Variants in RABL3 observed in about 807,000 individuals in gnomAD.
RABL3 encodes rab-like protein 3.
Under a neutral mutation model 31.8 loss-of-function variants are expected in RABL3, and 31 were observed. The observed-to-expected ratio is 0.97, with a 90% confidence interval of 0.73 to 1.31. RABL3 has a LOEUF of 1.31. Ranked by LOEUF, RABL3 falls within the 40% of genes most tolerant of loss-of-function variation. The probability of loss-of-function intolerance (pLI) is 0.00; values close to 1 mark genes in which losing one functional copy is unlikely to be tolerated. For missense variants in RABL3, 263 were observed against 279.6 expected (o/e 0.94, Z 0.42); for synonymous variants, 97 against 99.9 (o/e 0.97, Z 0.18).
chr3:120,695,658 A>T (rs932599134), intron 5 of RABL3, among the ~76,000 whole-genome samples: 1 of 152,156 alleles, frequency 6.6e-6, no homozygotes, highest in African/African-American at 2.4e-5. Flanking sequence ...CATTGCACTA[A>T]CTATGGTATT....
rs570184383 is a variant in RABL3, at chr3:120,698,472, G to A, written c.485C>T (p.Thr162Ile). 1.2e-6 allele frequency: 2 copies of A among 1,614,036 alleles called. No individual in the cohort carries two copies. Among genetic ancestry groups the A allele is most frequent in the African/African-American group, 1.3e-5 (1 of 75,038 alleles). The stretch of plus-strand genomic sequence containing the variant: ...ATCCTCAGCCAGGAAAGCAGTCCTA[G>A]TTAAAACTTCATGGCGCTTTGTTTC... ...IHETKRHEVL[T>I]RTAFLAEDFN... The change falls in exon 5 of 8, where the codon ACT becomes ATT. Residue 162 changes from threonine to isoleucine, a missense_variant. Physicochemically the swap from Thr to Ile is moderately conservative, Grantham distance 89 (BLOSUM62 -1). Coordinates refer to ENST00000273375, the MANE Select transcript of RABL3 (RefSeq NM_173825.5).
chr3:120,735,877 AG>A (rs1559824669), intron 1 of RABL3, among the ~76,000 whole-genome samples: 1 of 152,048 alleles, frequency 6.6e-6, no homozygotes, highest in African/African-American at 2.4e-5. Flanking sequence ...CTCAATCCTG[AG>A]TTCTAGTTTG....
upstream of RABL3, chr3:120,742,549 G>T (rs376236121): frequency 1.0e-4 from 166 of 1,607,694 alleles, no homozygotes; most frequent in Middle Eastern, 1.7e-4. Flanking sequence ...TTCCTGGATT[G>T]TAAGCCAATC....
chr3:120,735,481 T>C (rs563102217), intron 1 of RABL3, among the ~76,000 whole-genome samples: 1 of 152,272 alleles, frequency 6.6e-6, no homozygotes, highest in Admixed American at 6.5e-5. Context: ...TTTGTTGATC[T>C]TTTCAAAAAA....
intron 5 of RABL3, 33 bp downstream of exon 5, chr3:120,698,390 A>G (rs368059276): frequency 7.1e-5 from 112 of 1,578,768 alleles, no homozygotes; most frequent in Non-Finnish European, 9.6e-5. Flanking sequence ...TTACCCGATA[A>G]TAATACAAGC....
chr3:120,728,682 C>T (rs1002522315), intron 2 of RABL3, among the ~76,000 whole-genome samples: 4 of 151,620 alleles, frequency 2.6e-5, no homozygotes, highest in African/African-American at 9.7e-5. Flanking sequence ...TGCACATGTA[C>T]CCTAAAACTT....
At chr3:120,703,518 T>C (rs1708516526) in intron 4 of RABL3, among the ~76,000 whole-genome samples, 1 of 151,682 alleles carries the variant, frequency 6.6e-6, no homozygotes, top group Admixed American at 6.6e-5. Flanking sequence ...TCTAAGAAGC[T>C]ATAGAGAACA....
intron 5 of RABL3, among the ~76,000 whole-genome samples, chr3:120,697,777 C>T (rs1487923489): frequency 1.3e-5 from 2 of 152,146 alleles, no homozygotes; most frequent in African/African-American, 2.4e-5. Context: ...GTTTAAGAAG[C>T]TAAGAGGCTT....
intron 4 of RABL3, among the ~76,000 whole-genome samples, chr3:120,702,623 T>A (rs1708505626): frequency 6.6e-6 from 1 of 151,592 alleles, no homozygotes. Flanking sequence ...AGTGGCGTGA[T>A]CTCGGCTCAC....
intron 5 of RABL3, among the ~76,000 whole-genome samples, chr3:120,696,464 T>TA (rs1343954271): frequency 1.3e-5 from 2 of 152,114 alleles, no homozygotes; most frequent in African/African-American, 4.8e-5. Flanking sequence ...TGTACACTGA[T>TA]AAAGGCCAAA....
At chr3:120,732,170 A>G (rs771108096) in intron 1 of RABL3, among the ~76,000 whole-genome samples, 2 of 152,374 alleles carry the variant, frequency 1.3e-5, no homozygotes, top group Admixed American at 6.5e-5. Flanking sequence ...GTATACTTAA[A>G]AACAATAAAA....
intron 2 of RABL3, among the ~76,000 whole-genome samples, chr3:120,723,036 T>C (rs1263280636): frequency 2.0e-5 from 3 of 151,964 alleles, no homozygotes; most frequent in East Asian, 1.9e-4. Flanking sequence ...ATCAACAAAA[T>C]TGATAGACCG....
chr3:120,692,364 A>T (rs1708390488), intron 6 of RABL3, among the ~76,000 whole-genome samples: 1 of 150,850 alleles, frequency 6.6e-6, no homozygotes, highest in Admixed American at 6.6e-5. Flanking sequence ...ACACTCAGCT[A>T]ATTTTTTGTA....
In RABL3 at chr3:120,734,996, T is replaced by A. The variant is rs577542779; in HGVS notation, c.47-4209A>T. On this transcript the variant is annotated intron_variant, in intron 1 of 7. Transcript: ENST00000273375. ...TTGATGTTCATCAGGGATATTGGTCTAAAATTCTCTTTTTTTGTTGTGTCT... is the reference window on the plus strand; with the variant it reads ...TTGATGTTCATCAGGGATATTGGTCAAAAATTCTCTTTTTTTGTTGTGTCT... 8.8e-4 allele frequency among the ~76,000 whole-genome samples: 134 copies of A among 152,326 alleles called. 1 individual carries two copies. The highest frequency in any genetic ancestry group is 2.8e-3 in the African/African-American group (118 of 41,578).
At chr3:120,717,147 T>C (rs1219078023) in intron 2 of RABL3, among the ~76,000 whole-genome samples, 1 of 151,716 alleles carries the variant, frequency 6.6e-6, no homozygotes, top group Non-Finnish European at 1.5e-5. Flanking sequence ...TCCCAGCTAC[T>C]CGGGAGGCTG....
intron 2 of RABL3, among the ~76,000 whole-genome samples, chr3:120,715,412 C>T (rs1319397172): frequency 6.6e-6 from 1 of 152,096 alleles, no homozygotes; most frequent in Non-Finnish European, 1.5e-5. Context: ...GTGGCACGCA[C>T]CTGTAATCTC....
At chr3:120,738,051 C>T (rs542467231) in intron 1 of RABL3, among the ~76,000 whole-genome samples, 10 of 152,286 alleles carry the variant, frequency 6.6e-5, no homozygotes, top group Non-Finnish European at 1.2e-4. Context: ...CAAAGCTGTC[C>T]GACAGGGACA....
intron 5 of RABL3, among the ~76,000 whole-genome samples, chr3:120,695,659 CTATGG>C (rs1559811275): frequency 1.3e-5 from 2 of 152,080 alleles, no homozygotes; most frequent in Admixed American, 1.3e-4. Context: ...ATTGCACTAA[CTATGG>C]TATTTGAAAT....
Position 120,708,213 on chromosome 3 carries a change from G to GT in RABL3, c.268+1566dup, listed in dbSNP as rs1039062311. 3.0e-3 allele frequency among the ~76,000 whole-genome samples: 429 copies of GT among 144,580 alleles called. 1 individual carries two copies. The highest frequency in any genetic ancestry group is 0.015 in the Middle Eastern group (4 of 274). The allele number at this position is 144,580 out of a possible 152,430, so 94.9% of individuals were successfully genotyped here. A position where few individuals can be genotyped will look rare whatever the true frequency, so the allele number is the denominator to read the frequency against. ...AGAAATAGGTTTTTCAATAAATGCAGTTTTTTTTTTTTACTTTTAAGAAAT... is the reference window on the plus strand; with the variant it reads ...AGAAATAGGTTTTTCAATAAATGCAGTTTTTTTTTTTTTACTTTTAAGAAAT... On this transcript the variant is annotated intron_variant, in intron 3 of 7. Coordinates refer to ENST00000273375, the MANE Select transcript of RABL3 (RefSeq NM_173825.5).
Sources: allele counts gnomAD v4.1 joint callset (sites outside exome capture counted in the v4.1 genomes callset), GRCh38; gene constraint gnomAD v4.1.1; transcripts MANE v1.5; gene names NCBI Gene and HGNC (gene_info 2026-07-23, HGNC 2026-07-21).